The following ARHGEF17 variants were observed in gnomAD, a reference collection of about 807,000 sequenced individuals.
The protein encoded by ARHGEF17 is Rho guanine nucleotide exchange factor 17.
Under a neutral mutation model 174.0 loss-of-function variants are expected in ARHGEF17, and 80 were observed. The ratio of observed to expected loss-of-function variants is 0.46; its 90% CI spans 0.38 to 0.55. ARHGEF17 has a LOEUF of 0.55. Among genes scored for constraint, ARHGEF17 ranks in the 20% least tolerant of loss-of-function variants. The probability of loss-of-function intolerance (pLI) is 0.00; values close to 1 mark genes in which losing one functional copy is unlikely to be tolerated. For missense variants in ARHGEF17, 2,886 were observed against 2,839.7 expected, an observed-to-expected ratio of 1.02 and a Z score of -0.37; for synonymous variants, 1,311 against 1,189.1, an observed-to-expected ratio of 1.10 and a Z score of -2.11.
rs571007158 is a variant in ARHGEF17 at position 73,356,334 on chromosome 11, A to G, written c.3823A>G (p.Ile1275Val). 1.3e-4 allele frequency: 213 copies of G among 1,611,364 alleles called. No homozygotes were observed. The highest frequency in any genetic ancestry group is 2.0e-4 in the Admixed American group (12 of 60,000). The change falls in exon 6 of 21, where the codon ATC becomes GTC. Residue 1275 changes from isoleucine (I) to valine (V), a missense_variant. Transcript: ENST00000263674. ...ARVLQEIEAH[I>V]EGMEDLQAPL... Reference sequence around the variant, plus strand: ...TGTGCTGCAGGAGATAGAGGCTCACATCGAGGGCATGGAGGATGTGCGTGC... The same window carrying G: ...TGTGCTGCAGGAGATAGAGGCTCACGTCGAGGGCATGGAGGATGTGCGTGC...
At chr11:73,317,321 C>T (rs1200903688) in intron 1 of ARHGEF17, among the ~76,000 whole-genome samples, 1 of 152,212 alleles carries the variant, frequency 6.6e-6, no homozygotes, top group East Asian at 1.9e-4. Context: ...GTAGCCCCAT[C>T]CCTCCCATCT....
At chr11:73,343,021 C>T (rs1162895832) in intron 1 of ARHGEF17, 2 of 258,516 alleles carry the variant, frequency 7.7e-6, no homozygotes, top group Non-Finnish European at 1.5e-5. Context: ...CTGCGGCTGC[C>T]GCCGCGGCCG....
At chr11:73,317,670 C>T (rs1864950919) in intron 1 of ARHGEF17, among the ~76,000 whole-genome samples, 1 of 152,214 alleles carries the variant, frequency 6.6e-6, no homozygotes, top group Admixed American at 6.5e-5. Context: ...CCTATTGGAG[C>T]TGATGTCTCC....
Position 73,309,272 on chromosome 11 carries a change from G to A in ARHGEF17, c.634G>A (p.Asp212Asn), listed in dbSNP as rs768131641. The change falls in exon 1 of 21, where the codon GAT (aspartate) becomes AAT (asparagine). Residue 212 changes from aspartate (D) to asparagine (N), a missense_variant. By Grantham distance (23) the Asp-to-Asn change is conservative. This residue lies in a region of ARHGEF17 where 1,728 missense variants were observed against 1,461.2 expected (regional missense o/e 1.18). Transcript: ENST00000263674. ...QQQERAQRPADGLHSWHIFSQ... is the reference protein window; with the variant it reads ...QQQERAQRPANGLHSWHIFSQ... ...ACAGGAGCGGGCGCAGCGTCCAGCGGATGGTTTACATTCTTGGCATATCTT... is the reference window on the plus strand; with the variant it reads ...ACAGGAGCGGGCGCAGCGTCCAGCGAATGGTTTACATTCTTGGCATATCTT... The A allele has an allele frequency of 3.1e-6, 5 of 1,610,956 alleles. No individual in the cohort carries two copies. The highest frequency in any genetic ancestry group is 2.5e-6 in the Non-Finnish European group (3 of 1,179,096).
chr11:73,363,988 A>G (rs1028543086), intron 16 of ARHGEF17, among the ~76,000 whole-genome samples, 155 bp downstream of exon 16: 1 of 152,174 alleles, frequency 6.6e-6, no homozygotes, highest in Admixed American at 6.5e-5. Flanking sequence ...CCTCTTACAC[A>G]CTGTGTGAGC....
rs754462342 is a variant in ARHGEF17 at position 73,356,737 on chromosome 11, G to A, written c.3869G>A (p.Arg1290Lys). 3.1e-6 allele frequency: 5 copies of A among 1,614,052 alleles called. No individual in the cohort carries two copies. The African/African-American group carries it at 6.7e-5, about 22-fold the overall frequency. Residue 1290 changes from arginine to lysine, a missense_variant, in exon 7 of 21, where the codon AGA becomes AAA. Around this residue, in one of 4 missense-constraint regions of ARHGEF17, gnomAD observed 353 missense variants for 470.3 expected, o/e 0.75. Coordinates refer to ENST00000263674, the MANE Select transcript of ARHGEF17 (RefSeq NM_014786.4). ...DLQAPLRRFL[R>K]QEMVIEVKAI... is the part of the protein sequence containing the mutation. ...CAGGCCCCTCTGCGGCGGTTCCTGA[G>A]ACAGGAGATGGTCATTGAAGTGGTA... is the stretch of plus-strand genomic sequence containing the variant.
At chr11:73,351,104 C>T (rs1214548413) in intron 2 of ARHGEF17, among the ~76,000 whole-genome samples, 2 of 152,220 alleles carry the variant, frequency 1.3e-5, no homozygotes, top group South Asian at 2.1e-4. Flanking sequence ...TGTGGAGCAG[C>T]GGGCCCTGAC....
intron 2 of ARHGEF17, among the ~76,000 whole-genome samples, chr11:73,350,874 GC>G (rs1389931821): frequency 2.6e-5 from 4 of 152,126 alleles, no homozygotes; most frequent in Non-Finnish European, 4.4e-5. Context: ...CTTCTTTCCT[GC>G]CTCCCACCAC....
chr11:73,349,769 A>C (rs1406827911), intron 2 of ARHGEF17, among the ~76,000 whole-genome samples: 4 of 152,232 alleles, frequency 2.6e-5, no homozygotes, highest in Non-Finnish European at 5.9e-5. Context: ...CCAGGGCTGC[A>C]CTTGGGAGAG....
chr11:73,356,301 C>T lies in ARHGEF17; in HGVS notation c.3790C>T (p.His1264Tyr), dbSNP rs2134417641. 6.2e-7 allele frequency: 1 copy of T among 1,613,358 alleles called. No individual in the cohort carries two copies. The highest frequency in any genetic ancestry group is 8.5e-7 in the Non-Finnish European group (1 of 1,180,018). Residue 1264 changes from histidine (H) to tyrosine (Y), a missense_variant, in exon 6 of 21, where the codon CAT becomes TAT. Physicochemically the swap from His to Tyr is moderately conservative, Grantham distance 83. This residue lies in a region of ARHGEF17 where 353 missense variants were observed against 470.3 expected (regional missense o/e 0.75). Transcript: ENST00000263674. ...GCGGAGTGCCGAGGAGGCGGAGCGC[C>T]ATGCCCGTGTGCTGCAGGAGATAGA... ...GVRSAEEAER[H>Y]ARVLQEIEAH... is the part of the protein sequence containing the mutation.
intron 1 of ARHGEF17, among the ~76,000 whole-genome samples, chr11:73,331,701 G>T (rs1016648366): frequency 6.6e-6 from 1 of 152,166 alleles, no homozygotes; most frequent in Non-Finnish European, 1.5e-5. Flanking sequence ...AAGGCACAAA[G>T]TGCTGCCAAC....
At chr11:73,343,111 C>CCG in intron 1 of ARHGEF17, 2 of 359,284 alleles carry the variant, frequency 5.6e-6, no homozygotes, top group Non-Finnish European at 5.0e-6. Context: ...GCCGCCACCC[C>CCG]GGCGCCCCCG....
At position 73,363,221 on chromosome 11, in the gene ARHGEF17, G is replaced by C; in HGVS notation, c.5012G>C (p.Ser1671Thr). The change falls in exon 15 of 21, where the codon AGT becomes ACT. Residue 1671 changes from serine (S) to threonine (T), a missense_variant. Around this residue, in one of 4 missense-constraint regions of ARHGEF17, gnomAD observed 476 missense variants for 473.1 expected, o/e 1.01. Transcript: ENST00000263674. ...SSSFGNEETP[S>T]SKEATAETTS... ...TCTCCCTCAGATGAGGAGACCCCGA[G>C]TTCCAAGGAGGCCACGGCAGAGACC... 12 of 1,575,670 alleles carry C rather than the reference G, an allele frequency of 7.6e-6. No individual in the cohort carries two copies. Among genetic ancestry groups the C allele is most frequent in the Non-Finnish European group, 1.0e-5 (12 of 1,158,034 alleles).
At chr11:73,358,930 C>G (rs1415230838) in intron 9 of ARHGEF17, among the ~76,000 whole-genome samples, 3 of 152,186 alleles carry the variant, frequency 2.0e-5, no homozygotes, top group Non-Finnish European at 4.4e-5. Context: ...CACAGTGAGA[C>G]AGCCTCCCTG....
intron 1 of ARHGEF17, among the ~76,000 whole-genome samples, chr11:73,326,921 G>A (rs1326664696): frequency 1.3e-5 from 2 of 152,146 alleles, no homozygotes; most frequent in East Asian, 3.9e-4. Flanking sequence ...CTCTGTTGTG[G>A]AAAGAGGGAA....
In ARHGEF17 at chr11:73,309,948, A is replaced by G. The variant is rs775998958; in HGVS notation, c.1310A>G (p.Lys437Arg). 1.2e-6 allele frequency: 2 copies of G among 1,613,710 alleles called. No individual in the cohort carries two copies. Among genetic ancestry groups the G allele is most frequent in the South Asian group, 2.2e-5 (2 of 91,080 alleles). ...LLRSQARTRA[K>R]GPGGTSRALR... ...CGGTCCCAGGCTCGAACCCGTGCCA[A>G]AGGACCTGGAGGCACCTCTAGGGCA... The change falls in exon 1 of 21, where the codon AAA becomes AGA. Residue 437 changes from lysine (K) to arginine (R), a missense_variant. By Grantham distance (26) the Lys-to-Arg change is conservative. This residue lies in a region of ARHGEF17 where 1,728 missense variants were observed against 1,461.2 expected (regional missense o/e 1.18). Coordinates refer to ENST00000263674, the MANE Select transcript of ARHGEF17 (RefSeq NM_014786.4).
intron 5 of ARHGEF17, 104 bp downstream of exon 5, chr11:73,356,057 AGGG>A: frequency 1.9e-6 from 3 of 1,570,274 alleles, no homozygotes; most frequent in Non-Finnish European, 2.6e-6. Context: ...CAGGGTCCCT[AGGG>A]GACAGGTAGG....
At chr11:73,362,795 G>T in intron 14 of ARHGEF17, 61 bp downstream of exon 14, 1 of 1,553,250 alleles carries the variant, frequency 6.4e-7, no homozygotes, top group Non-Finnish European at 8.7e-7. Context: ...GCCCAGAGGA[G>T]GGGGAGAGGA....
chr11:73,334,395 T>G (rs565486655), intron 1 of ARHGEF17, among the ~76,000 whole-genome samples: 1 of 152,062 alleles, frequency 6.6e-6, no homozygotes, highest in Admixed American at 6.5e-5. Context: ...GGGAGGAGAC[T>G]GGGGTTGGAC....
Sources: gnomAD v4.1 joint callset for allele counts (sites outside exome capture counted in the v4.1 genomes callset) on GRCh38, gnomAD v4.1.1 for gene constraint, gnomAD v4.1.1 regional missense constraint, MANE v1.5 for transcripts, NCBI Gene and HGNC (gene_info 2026-07-23, HGNC 2026-07-21) for gene names.